The following VWA3B variants were observed in gnomAD, a reference collection of about 807,000 sequenced individuals.
VWA3B encodes von Willebrand factor A domain-containing protein 3B.
Under a neutral mutation model 158.3 loss-of-function variants are expected in VWA3B, and 138 were observed. That is an observed-to-expected ratio of 0.87 (90% CI 0.76 to 1.00). The LOEUF (loss-of-function observed/expected upper bound fraction) is 1.00. Among genes scored for constraint, VWA3B ranks in the 50% least tolerant of loss-of-function variants. The pLI, the probability that VWA3B is intolerant of heterozygous loss-of-function variation, is 0.00. For synonymous variants in VWA3B, 596 were observed against 587.3 expected, an observed-to-expected ratio of 1.01 and a Z score of -0.21; for missense variants, 1,555 against 1,565.1, an observed-to-expected ratio of 0.99 and a Z score of 0.11.
At chr2:98,150,504 G>A (rs541109785) in intron 7 of VWA3B, among the ~76,000 whole-genome samples, 1 of 152,342 alleles carries the variant, frequency 6.6e-6, no homozygotes, top group Admixed American at 6.5e-5. Context: ...TGAGTCAGGA[G>A]CCCTCTGAGC....
intron 26 of VWA3B, among the ~76,000 whole-genome samples, chr2:98,305,451 G>T (rs959923878): frequency 1.3e-5 from 2 of 152,174 alleles, no homozygotes; most frequent in Non-Finnish European, 2.9e-5. Context: ...GAGCTCATCT[G>T]CAGGATGACA....
intron 25 of VWA3B, among the ~76,000 whole-genome samples, chr2:98,302,182 C>T (rs1690239876): frequency 1.5e-5 from 2 of 136,482 alleles, no homozygotes; most frequent in Admixed American, 1.5e-4. Flanking sequence ...AGGCTTTTGC[C>T]TCTTCCTGGA....
intron 21 of VWA3B, among the ~76,000 whole-genome samples, chr2:98,268,445 C>T (rs921877933): frequency 3.3e-5 from 5 of 152,126 alleles, no homozygotes; most frequent in African/African-American, 9.7e-5. Flanking sequence ...TGCTTAATCA[C>T]ATCTGCTGTT....
intron 8 of VWA3B, among the ~76,000 whole-genome samples, chr2:98,163,982 G>A (rs1558622822): frequency 6.6e-6 from 1 of 152,200 alleles, no homozygotes; most frequent in Non-Finnish European, 1.5e-5. Flanking sequence ...CTGAAGGCTG[G>A]GCAAGGGGAG....
intron 10 of VWA3B, among the ~76,000 whole-genome samples, chr2:98,190,111 CT>C: frequency 6.6e-6 from 1 of 152,064 alleles, no homozygotes. Flanking sequence ...TTTCTGTTCC[CT>C]TTTTACTGGT....
intron 2 of VWA3B, among the ~76,000 whole-genome samples, chr2:98,109,901 T>C (rs1355710793): frequency 1.3e-5 from 2 of 151,984 alleles, no homozygotes; most frequent in African/African-American, 4.8e-5. Flanking sequence ...CCTATTGATA[T>C]ATGCTTTAAA....
At chr2:98,314,852 G>A (rs1269199460), downstream of VWA3B, among the ~76,000 whole-genome samples, 1 of 152,062 alleles carries the variant, frequency 6.6e-6, no homozygotes, top group Non-Finnish European at 1.5e-5. Flanking sequence ...GTGAAACCCT[G>A]TCTCTACTAA....
Position 98,312,772 on chromosome 2 carries a change from A to C in VWA3B, c.*423A>C. 1 of 162,938 alleles carries C rather than the reference A, an allele frequency of 6.1e-6. No individual in the cohort carries two copies. The highest frequency in any genetic ancestry group is 1.3e-5 in the Non-Finnish European group (1 of 74,558). The allele number at this position is 162,938 out of a possible 1,614,324, so 10.1% of individuals were successfully genotyped here. A position where few individuals can be genotyped will look rare whatever the true frequency, so the allele number is the denominator to read the frequency against. On this transcript the variant is annotated 3_prime_UTR_variant, in exon 28 of 28. Coordinates refer to ENST00000477737, the MANE Select transcript of VWA3B (RefSeq NM_144992.5). The stretch of plus-strand genomic sequence containing the variant: ...TTTGTCACCCAATATTAGGACTGAA[A>C]TTCAGACTCGGTAACTTGTCTGAGA...
At chr2:98,092,607 C>T (rs2104807117) in intron 1 of VWA3B, among the ~76,000 whole-genome samples, 1 of 152,114 alleles carries the variant, frequency 6.6e-6, no homozygotes, top group East Asian at 1.9e-4. Flanking sequence ...TGTGCCACTG[C>T]ACTCCAGCCT....
rs773146578 is a variant in VWA3B at position 98,312,276 on chromosome 2, G to A, written c.3812G>A (p.Arg1271Gln). 1.1e-5 allele frequency: 17 copies of A among 1,613,936 alleles called. No individual in the cohort carries two copies. The African/African-American group carries it at 1.6e-4, about 15-fold the overall frequency. Residue 1271 changes from arginine (R) to glutamine (Q), a missense_variant, in exon 28 of 28, where the codon CGA (arginine) becomes CAA (glutamine). Coordinates refer to ENST00000477737, the MANE Select transcript of VWA3B (RefSeq NM_144992.5). ...GCCATCATTGCCACACCTCCACCTC[G>A]AGCAGCCCTGCCCTGTACTCTCCAA... ...SHAIIATPPPRAALPCTLQAT... is the reference protein window; with the variant it reads ...SHAIIATPPPQAALPCTLQAT...
At chr2:98,249,026 C>T (rs139668292) in intron 19 of VWA3B, among the ~76,000 whole-genome samples, 1 of 152,056 alleles carries the variant, frequency 6.6e-6, no homozygotes, top group African/African-American at 2.4e-5. Flanking sequence ...AACTATGTCA[C>T]CTCAATTAAA....
chr2:98,297,999 G>C lies in VWA3B; in HGVS notation c.3250G>C (p.Val1084Leu). The C allele has an allele frequency of 6.3e-7, 1 of 1,584,104 alleles. No homozygotes were observed. The highest frequency in any genetic ancestry group is 8.6e-7 in the Non-Finnish European group (1 of 1,165,226). Reference protein sequence around the residue: ...KVVSTSFITPVGGAMPCPLLQ... With the variant: ...KVVSTSFITPLGGAMPCPLLQ... The stretch of plus-strand genomic sequence containing the variant: ...CGTGTCCACCTCCTTCATCACGCCT[G>C]TGGGGGGCGCCATGCCCTGCCCGCT... Residue 1084 changes from valine to leucine, a missense_variant, in exon 24 of 28, where the codon GTG becomes CTG. By Grantham distance (32) the Val-to-Leu change is conservative. Transcript: ENST00000477737.
chr2:98,173,006 C>T (rs1459529309), intron 8 of VWA3B, among the ~76,000 whole-genome samples: 2 of 152,186 alleles, frequency 1.3e-5, no homozygotes, highest in Admixed American at 6.6e-5. Context: ...GTGAACATAT[C>T]ATCTGAGTTT....
intron 9 of VWA3B, among the ~76,000 whole-genome samples, chr2:98,183,879 A>G (rs1228183126): frequency 6.6e-6 from 1 of 152,260 alleles, no homozygotes; most frequent in African/African-American, 2.4e-5. Flanking sequence ...GTCTGAGCAC[A>G]GTGCCCGGCA....
At chr2:98,282,551 C>T (rs1002326001) in intron 22 of VWA3B, among the ~76,000 whole-genome samples, 10 of 149,454 alleles carry the variant, frequency 6.7e-5, no homozygotes, top group African/African-American at 2.0e-4. Flanking sequence ...AATTCTTGTG[C>T]CTCGCCTCCT....
At position 98,111,007 on chromosome 2, in the gene VWA3B, C is replaced by T. The variant is rs138199037; in HGVS notation, c.197-4645C>T. On this transcript the variant is annotated intron_variant, in intron 2 of 27. Transcript: ENST00000477737. ...CACCATGATTGTGAGGGCTCCCCAG[C>T]CACATGGGACTGTAAGTCCATTAAA... 2.2e-4 allele frequency among the ~76,000 whole-genome samples: 34 copies of T among 152,312 alleles called. No homozygotes were observed. The East Asian group carries it at 5.4e-3, about 24-fold the overall frequency.
chr2:98,162,039 A>G (rs569122890), intron 7 of VWA3B, among the ~76,000 whole-genome samples: 1 of 152,100 alleles, frequency 6.6e-6, no homozygotes, highest in East Asian at 1.9e-4. Context: ...ACTTTCCCCC[A>G]TAGTAACATA....
chr2:98,137,936 G>A (rs1676412203), intron 7 of VWA3B, among the ~76,000 whole-genome samples: 1 of 152,032 alleles, frequency 6.6e-6, no homozygotes, highest in African/African-American at 2.4e-5. Flanking sequence ...TAATTTTCTA[G>A]TATTTTTTCA....
chr2:98,269,677 G>A (rs1419256389), intron 21 of VWA3B, among the ~76,000 whole-genome samples: 1 of 152,172 alleles, frequency 6.6e-6, no homozygotes, highest in East Asian at 1.9e-4. Flanking sequence ...TCTCCTTCAT[G>A]CAGCTTTTCT....
Sources: gnomAD v4.1 joint callset for allele counts (sites outside exome capture counted in the v4.1 genomes callset) on GRCh38, gnomAD v4.1.1 for gene constraint, MANE v1.5 for transcripts, NCBI Gene and HGNC (gene_info 2026-07-23, HGNC 2026-07-21) for gene names.